The following ATP8B4 variants were observed in gnomAD, a reference collection of about 807,000 sequenced individuals.
ATP8B4 encodes probable phospholipid-transporting ATPase IM.
A neutral mutation model predicts 145.6 loss-of-function variants in ATP8B4; 133 were observed. The observed-to-expected ratio is 0.91, with a 90% CI of 0.79 to 1.05. The LOEUF (loss-of-function observed/expected upper bound fraction) is 1.05. ATP8B4 is among the 50% of genes least tolerant of loss of function. The pLI, the probability that ATP8B4 is intolerant of heterozygous loss-of-function variation, is 0.00. For synonymous variants in ATP8B4, 507 were observed against 492.9 expected (o/e 1.03, Z -0.38); for missense variants, 1,458 against 1,425.2 (o/e 1.02, Z -0.37).
At chr15:49,934,220 T>A in intron 14 of ATP8B4, 38 bp from the exon 15 acceptor site, 1 of 1,557,650 alleles carries the variant, frequency 6.4e-7, no homozygotes, top group Non-Finnish European at 8.7e-7. Context: ...AACCAAAACC[T>A]CATTCCAATA....
At chr15:50,027,819 A>G (rs1207149259) in intron 6 of ATP8B4, among the ~76,000 whole-genome samples, 3 of 152,226 alleles carry the variant, frequency 2.0e-5, no homozygotes, top group African/African-American at 7.2e-5. Flanking sequence ...AAGTGTAATG[A>G]AATGTAACAA....
chr15:50,160,041 T>TTTTTTTTTTG (rs2044493317), intron 1 of ATP8B4, among the ~76,000 whole-genome samples: 10 of 127,034 alleles, frequency 7.9e-5, no homozygotes, highest in South Asian at 2.8e-4. Flanking sequence ...TTTTTTTTGC[T>TTTTTTTTTTG]GGGAGACTTT....
At chr15:50,076,756 A>G (rs2054203393) in intron 2 of ATP8B4, among the ~76,000 whole-genome samples, 1 of 152,202 alleles carries the variant, frequency 6.6e-6, no homozygotes, top group Non-Finnish European at 1.5e-5. Flanking sequence ...ATCTTTCTGA[A>G]CTAAGTCTTC....
At chr15:49,951,063 GT>G (rs71124315) in intron 14 of ATP8B4, among the ~76,000 whole-genome samples, 1 of 152,080 alleles carries the variant, frequency 6.6e-6, no homozygotes, top group South Asian at 2.1e-4. Context: ...CTGAGAGACT[GT>G]TTTTTTGTGA....
chr15:50,048,987 G>C (rs2051954673), intron 3 of ATP8B4, among the ~76,000 whole-genome samples: 2 of 152,096 alleles, frequency 1.3e-5, no homozygotes, highest in Non-Finnish European at 2.9e-5. Context: ...GGAAAAACTA[G>C]GCAAAGGAGA....
At chr15:50,053,823 A>AT (rs1445721519) in intron 3 of ATP8B4, among the ~76,000 whole-genome samples, 1 of 152,158 alleles carries the variant, frequency 6.6e-6, no homozygotes, top group Non-Finnish European at 1.5e-5. Context: ...GGGAAGTATT[A>AT]TTTTTTCTAG....
At chr15:49,964,357 G>A (rs1406596348) in intron 13 of ATP8B4, among the ~76,000 whole-genome samples, 1 of 152,160 alleles carries the variant, frequency 6.6e-6, no homozygotes, top group Non-Finnish European at 1.5e-5. Context: ...GTGTCTTTGT[G>A]TTAAATGGTC....
chr15:49,942,604 GAAAAGTCATTTAAAAA>G (rs1375174074), intron 14 of ATP8B4, among the ~76,000 whole-genome samples: 2 of 151,812 alleles, frequency 1.3e-5, no homozygotes, highest in East Asian at 3.9e-4. Context: ...ATAGAAGTAA[GAAAAGTCATTTAAAAA>G]AAAAGTCATT....
At chr15:50,055,954 T>G (rs1036358140) in intron 3 of ATP8B4, among the ~76,000 whole-genome samples, 2 of 152,184 alleles carry the variant, frequency 1.3e-5, no homozygotes, top group African/African-American at 4.8e-5. Flanking sequence ...ATCAGCTGAC[T>G]GTTGCCTGGT....
Position 50,083,163 on chromosome 15 carries a change from C to T in ATP8B4, c.29-8978G>A, listed in dbSNP as rs114385479. Among the ~76,000 whole-genome samples, 706 of 152,248 alleles carry T rather than the reference C, an allele frequency of 4.6e-3. 10 individuals are homozygous for T. The highest frequency in any genetic ancestry group is 0.016 in the African/African-American group (660 of 41,534). ...GTCACTTCCCATGCTTCATCATCTC[C>T]AGGGTTGGTCTCTGCTGCACTGGGA... On this transcript the variant is annotated intron_variant, in intron 2 of 27. Transcript: ENST00000284509.
intron 14 of ATP8B4, among the ~76,000 whole-genome samples, chr15:49,950,787 A>G (rs2043037066): frequency 6.6e-6 from 1 of 151,880 alleles, no homozygotes; most frequent in Non-Finnish European, 1.5e-5. Context: ...TTTAATTGTA[A>G]TGTTAGGGTG....
At position 49,934,203 on chromosome 15, in the gene ATP8B4, C is replaced by A. The variant is rs558705580; in HGVS notation, c.1288-21G>T. ...TTTTCCTGTAGGAGAACAACAACAA[C>A]AAAAATAACCAAAACCTCATTCCAA... On this transcript the variant is annotated intron_variant, in intron 14 of 27. Coordinates refer to ENST00000284509, the MANE Select transcript of ATP8B4 (RefSeq NM_024837.4). The A allele has an allele frequency of 1.9e-6, 3 of 1,576,894 alleles. No individual in the cohort carries two copies. In the South Asian group the frequency reaches 3.5e-5, roughly 19 times the overall value.
chr15:49,983,656 T>C (rs889161036), intron 10 of ATP8B4, among the ~76,000 whole-genome samples: 11 of 152,162 alleles, frequency 7.2e-5, no homozygotes, highest in African/African-American at 2.7e-4. Flanking sequence ...AGATTAAGCT[T>C]TTCACAATTA....
Position 49,879,445 on chromosome 15 carries a change from C to T in ATP8B4, c.2712G>A (p.Gln904=). 1 of 1,610,192 alleles carries T rather than the reference C, an allele frequency of 6.2e-7. No homozygotes were observed. ...CGFSAQTVYD[Q]WFITLFNIVY... ...CAATGTTAAAAAGGGTGATGAACCA[C>T]TGGTCATAAACAGTCTGAAAAGAAA... Residue 904 remains glutamine (Q), a synonymous_variant, in exon 24 of 28, where the codon CAG becomes CAA. Transcript: ENST00000284509.
Position 50,151,740 on chromosome 15 carries a change from C to CA in ATP8B4, c.-43+30520dup, listed in dbSNP as rs58413585. 4.0e-3 allele frequency among the ~76,000 whole-genome samples: 367 copies of CA among 91,682 alleles called. 6 individuals are homozygous for CA. The highest frequency in any genetic ancestry group is 0.013 in the African/African-American group (310 of 23,604). 60.1% of individuals were successfully genotyped at this position (91,682 alleles called of 152,430 possible). A position where few individuals can be genotyped will look rare whatever the true frequency, so the allele number is the denominator to read the frequency against. ...TAAGAGACAGAGTGAGAACCTGTCT[C>CA]AAAAAAAAAAAAAAAAAAAAAAAGA... On this transcript the variant is annotated intron_variant, in intron 1 of 3. Transcript: ENST00000558829.
Position 50,155,729 on chromosome 15 carries a change from A to T in ATP8B4, c.-43+26532T>A, listed in dbSNP as rs192695017. ...CATAAATATACTTAAACATGTATACACACACAAAGATCTTATAACTTTCAT... is the reference window on the plus strand; with the variant it reads ...CATAAATATACTTAAACATGTATACTCACACAAAGATCTTATAACTTTCAT... On this transcript the variant is annotated intron_variant, in intron 1 of 3. Transcript: ENST00000558829. 1.2e-4 allele frequency among the ~76,000 whole-genome samples: 18 copies of T among 152,244 alleles called. No individual in the cohort carries two copies. In the East Asian group the frequency reaches 3.5e-3, roughly 29 times the overall value.
chr15:50,036,033 G>A (rs942342005), intron 6 of ATP8B4, among the ~76,000 whole-genome samples: 1 of 152,174 alleles, frequency 6.6e-6, no homozygotes, highest in Non-Finnish European at 1.5e-5. Context: ...GCCCACAGAT[G>A]CCAAGGATAG....
At chr15:50,135,283 G>A (rs2044106094) in intron 1 of ATP8B4, among the ~76,000 whole-genome samples, 1 of 151,966 alleles carries the variant, frequency 6.6e-6, no homozygotes, top group African/African-American at 2.4e-5. Context: ...TTGATAAGGA[G>A]GTACTCTACA....
At chr15:49,960,250 C>G (rs1599440713) in intron 14 of ATP8B4, among the ~76,000 whole-genome samples, 1 of 152,176 alleles carries the variant, frequency 6.6e-6, no homozygotes, top group South Asian at 2.1e-4. Flanking sequence ...TGGCCTTGAA[C>G]TCTTGACCTC....
Sources: gnomAD v4.1 joint callset for allele counts (sites outside exome capture counted in the v4.1 genomes callset) on GRCh38, gnomAD v4.1.1 for gene constraint, MANE v1.5 for transcripts, NCBI Gene and HGNC (gene_info 2026-07-23, HGNC 2026-07-21) for gene names.